Variants in TTC17 observed in about 807,000 individuals in gnomAD.
TTC17 encodes the protein tetratricopeptide repeat domain 17.
In TTC17, 58 loss-of-function variants were observed where a neutral mutation model predicts 143.8. The observed-to-expected ratio is 0.40, with a 90% CI of 0.33 to 0.50. The LOEUF is 0.50. TTC17 is among the 20% of genes least tolerant of loss of function. The pLI, the probability that TTC17 is intolerant of heterozygous loss-of-function variation, is 0.49. For missense variants in TTC17, 1,273 were observed against 1,392.5 expected, an observed-to-expected ratio of 0.91 and a Z score of 1.37; for synonymous variants, 501 against 497.8, an observed-to-expected ratio of 1.01 and a Z score of -0.09.
At chr11:43,449,791 A>G in intron 19 of TTC17, 1 of 318,012 alleles carries the variant, frequency 3.1e-6, no homozygotes, top group Non-Finnish European at 5.8e-6. Context: ...GTATCTCTAT[A>G]AGATTTACTG....
In TTC17 at chr11:43,379,217, T is replaced by C; in HGVS notation, c.160-16T>C. On this transcript the variant is annotated splice_polypyrimidine_tract_variant and intron_variant, in intron 1 of 23. Transcript: ENST00000039989. ...TAATGAAATCCGAGCTTTATTTATT[T>C]ATTGCTTGCTTGCAGGTGGATTCAC... is the stretch of plus-strand genomic sequence containing the variant. The C allele has an allele frequency of 6.2e-7, 1 of 1,609,174 alleles. No individual in the cohort carries two copies. The highest frequency in any genetic ancestry group is 8.5e-7 in the Non-Finnish European group (1 of 1,177,504).
Position 43,431,291 on chromosome 11 carries a change from A to G in TTC17, c.2252-12034A>G, listed in dbSNP as rs142387320. 4.0e-3 allele frequency among the ~76,000 whole-genome samples: 603 copies of G among 152,298 alleles called. 4 individuals are homozygous for G. Among genetic ancestry groups the G allele is most frequent in the African/African-American group, 0.014 (571 of 41,566 alleles). On this transcript the variant is annotated intron_variant, in intron 16 of 23. Coordinates refer to ENST00000039989, the MANE Select transcript of TTC17 (RefSeq NM_018259.6). Reference sequence around the variant, plus strand: ...ATAATCCTTTGGTTATATACCCAGTAATGGGATTGCTGGGTCAAATGATAT... The same window carrying G: ...ATAATCCTTTGGTTATATACCCAGTGATGGGATTGCTGGGTCAAATGATAT...
chr11:43,388,463 T>C (rs994386744), intron 2 of TTC17, among the ~76,000 whole-genome samples: 1 of 151,710 alleles, frequency 6.6e-6, no homozygotes, highest in African/African-American at 2.4e-5. Flanking sequence ...AAATGACACA[T>C]AAATTCAGAT....
intron 21 of TTC17, among the ~76,000 whole-genome samples, chr11:43,452,771 C>CA (rs1448850134): frequency 1.3e-5 from 2 of 151,644 alleles, no homozygotes; most frequent in East Asian, 1.9e-4. Context: ...CCTATCTCTA[C>CA]AAAAAAATTA....
chr11:43,397,709 C>A (rs540638081), intron 7 of TTC17, among the ~76,000 whole-genome samples: 7 of 152,136 alleles, frequency 4.6e-5, no homozygotes, highest in Admixed American at 4.6e-4. Context: ...GAATTTTAAA[C>A]TTCTACAGGG....
intron 15 of TTC17, 37 bp downstream of exon 15, chr11:43,407,614 T>C (rs780254342): frequency 1.2e-5 from 19 of 1,552,202 alleles, no homozygotes; most frequent in Non-Finnish European, 1.5e-5. Flanking sequence ...CCGTATACTA[T>C]GTAGGGTAAC....
chr11:43,413,015 C>T (rs1946689464), intron 15 of TTC17, among the ~76,000 whole-genome samples: 1 of 150,872 alleles, frequency 6.6e-6, no homozygotes, highest in South Asian at 2.1e-4. Flanking sequence ...CACACACACA[C>T]ACACACACAC....
intron 1 of TTC17, among the ~76,000 whole-genome samples, chr11:43,369,163 A>G (rs1856466068): frequency 6.6e-6 from 1 of 152,222 alleles, no homozygotes. Flanking sequence ...TGTTATTTGT[A>G]TATGCCCTGG....
At chr11:43,447,834 TA>T (rs1358334871) in intron 18 of TTC17, 167 bp from the exon 19 acceptor site, 13 of 743,140 alleles carry the variant, frequency 1.7e-5, no homozygotes, top group Non-Finnish European at 2.5e-5. Flanking sequence ...TTCCATTGCA[TA>T]ATGACGAGAT....
chr11:43,388,988 A>G, intron 2 of TTC17, among the ~76,000 whole-genome samples: 1 of 151,402 alleles, frequency 6.6e-6, no homozygotes, highest in Non-Finnish European at 1.5e-5. Context: ...AAAAAAAAAA[A>G]AATTAACTGG....
chr11:43,405,448 A>G, intron 11 of TTC17, 66 bp from the exon 12 acceptor site: 1 of 1,179,122 alleles, frequency 8.5e-7, no homozygotes, highest in Non-Finnish European at 1.3e-6. Flanking sequence ...TCATTTTAAA[A>G]GTTTATTTAG....
intron 21 of TTC17, among the ~76,000 whole-genome samples, chr11:43,462,074 A>G (rs765918361): frequency 5.3e-5 from 8 of 150,150 alleles, no homozygotes; most frequent in Non-Finnish European, 1.0e-4. Context: ...CTTAAGAATT[A>G]AATGTAGGCT....
Position 43,400,061 on chromosome 11 carries a change from T to TC in TTC17, c.1219+15dup, listed in dbSNP as rs1857784202. The TC allele has an allele frequency of 2.5e-6, 4 of 1,606,476 alleles. No homozygotes were observed. The highest frequency in any genetic ancestry group is 1.1e-5 in the South Asian group (1 of 89,500). ...GAGGCACAATTAGGTAAGTAGTGACTCCAAGTAATTGAAGACAGGTTAGGA... is the reference window on the plus strand; with the variant it reads ...GAGGCACAATTAGGTAAGTAGTGACTCCCAAGTAATTGAAGACAGGTTAGGA... On this transcript the variant is annotated intron_variant, in intron 9 of 23. Coordinates refer to ENST00000039989, the MANE Select transcript of TTC17 (RefSeq NM_018259.6).
At chr11:43,427,411 A>G (rs1254132591) in intron 16 of TTC17, among the ~76,000 whole-genome samples, 1 of 152,218 alleles carries the variant, frequency 6.6e-6, no homozygotes. Context: ...AGAACTTTGT[A>G]ACATCTGCCT....
chr11:43,431,989 C>T (rs1947170675), intron 16 of TTC17, among the ~76,000 whole-genome samples: 1 of 152,124 alleles, frequency 6.6e-6, no homozygotes, highest in South Asian at 2.1e-4. Flanking sequence ...TTATAACTAA[C>T]CAAAAAGCAT....
chr11:43,473,309 GAT>G (rs1429670278), intron 21 of TTC17, among the ~76,000 whole-genome samples: 1 of 152,134 alleles, frequency 6.6e-6, no homozygotes, highest in Non-Finnish European at 1.5e-5. Flanking sequence ...CAGTGTAAAA[GAT>G]ATGGTATATC....
chr11:43,392,058 A>G (rs1029556150), intron 5 of TTC17, 106 bp downstream of exon 5: 17 of 1,340,714 alleles, frequency 1.3e-5, no homozygotes, highest in South Asian at 7.7e-5. Flanking sequence ...GTTTTTATCT[A>G]GAAGACGATT....
intron 3 of TTC17, 92 bp from the exon 4 acceptor site, chr11:43,391,373 T>C: frequency 1.2e-6 from 1 of 852,798 alleles, no homozygotes; most frequent in South Asian, 1.5e-5. Flanking sequence ...CACTCCAGCC[T>C]GGGCAACAGA....
At chr11:43,472,567 G>C (rs1948111587) in intron 21 of TTC17, among the ~76,000 whole-genome samples, 1 of 152,010 alleles carries the variant, frequency 6.6e-6, no homozygotes, top group South Asian at 2.1e-4. Context: ...TAAATCTGCA[G>C]TCTTAGTGGA....
Sources: gnomAD v4.1 joint callset for allele counts (sites outside exome capture counted in the v4.1 genomes callset) on GRCh38, gnomAD v4.1.1 for gene constraint, MANE v1.5 for transcripts, NCBI Gene and HGNC (gene_info 2026-07-23, HGNC 2026-07-21) for gene names.